TRMT9B: variants seen among roughly 807,000 people sequenced by gnomAD.
The protein encoded by TRMT9B is probable tRNA methyltransferase 9B.
Under a neutral mutation model 11.5 loss-of-function variants are expected in TRMT9B, and 16 were observed. The ratio of observed to expected loss-of-function variants is 1.39; its 90% CI spans 0.94 to 2.11. The LOEUF (loss-of-function observed/expected upper bound fraction) is 2.11, where lower values mean the gene tolerates loss of function less well. Among genes scored for constraint, TRMT9B ranks in the 30% most tolerant of loss-of-function variants. The probability of loss-of-function intolerance (pLI) is 0.00; values close to 1 mark genes in which losing one functional copy is unlikely to be tolerated. For synonymous variants in TRMT9B, 274 were observed against 192.4 expected, an observed-to-expected ratio of 1.42 and a Z score of -3.51; for missense variants, 941 against 553.8, an observed-to-expected ratio of 1.70 and a Z score of -7.02.
chr8:12,958,432 T>A (rs757622256), intron 1 of TRMT9B: 4 of 152,232 alleles, frequency 2.6e-5, no homozygotes, highest in Non-Finnish European at 5.9e-5. Context: ...TCTGATCCTG[T>A]TTCTCCAGCA....
chr8:13,006,782 C>A, intron 3 of TRMT9B: 2 of 499,700 alleles, frequency 4.0e-6, no homozygotes, highest in Non-Finnish European at 5.8e-6. Flanking sequence ...GATTCTCCTG[C>A]CTCAGACTCC....
chr8:12,992,726 C>G (rs900729913), intron 2 of TRMT9B, among the ~76,000 whole-genome samples: 2 of 151,694 alleles, frequency 1.3e-5, no homozygotes, highest in African/African-American at 4.8e-5. Flanking sequence ...CCAGGTGTGA[C>G]GGCATGCACC....
At chr8:13,003,047 G>T (rs1011472549) in intron 2 of TRMT9B, among the ~76,000 whole-genome samples, 2 of 152,082 alleles carry the variant, frequency 1.3e-5, no homozygotes, top group Admixed American at 6.5e-5. Context: ...TCATTTGCTG[G>T]GGGTCTGCTG....
chr8:12,946,023 T>C (rs552537277), intron 1 of TRMT9B, 57 bp downstream of exon 1: 2 of 152,334 alleles, frequency 1.3e-5, no homozygotes, highest in South Asian at 4.1e-4. Flanking sequence ...GATTAGTTGA[T>C]TAATGTTTGT....
intron 4 of TRMT9B, among the ~76,000 whole-genome samples, chr8:13,018,769 A>C (rs979203672): frequency 1.3e-5 from 2 of 152,156 alleles, no homozygotes; most frequent in African/African-American, 4.8e-5. Context: ...CAGCACTGCA[A>C]CTCATGCCTG....
chr8:12,989,833 A>G (rs746384404), intron 1 of TRMT9B, among the ~76,000 whole-genome samples: 21 of 152,242 alleles, frequency 1.4e-4, no homozygotes, highest in Non-Finnish European at 2.5e-4. Context: ...ATGCTTCTTA[A>G]ACGCACTTCT....
At chr8:12,953,162 T>C (rs1355483556) in intron 1 of TRMT9B, among the ~76,000 whole-genome samples, 1 of 152,206 alleles carries the variant, frequency 6.6e-6, no homozygotes, top group Admixed American at 6.5e-5. Context: ...TAGGCATGAA[T>C]TTAAATGTAC....
chr8:13,029,162 T>A lies in TRMT9B; in HGVS notation c.*7118T>A, dbSNP rs752786844. The A allele has an allele frequency of 6.0e-6, 1 of 166,020 alleles. No individual in the cohort carries two copies. Among genetic ancestry groups the A allele is most frequent in the Admixed American group, 6.6e-5 (1 of 15,192 alleles). The allele number at this position is 166,020 out of a possible 1,614,324, so 10.3% of individuals were successfully genotyped here. A position where few individuals can be genotyped will look rare whatever the true frequency, so the allele number is the denominator to read the frequency against. ...ATCAAATTAGCAATTACCATAGAAA[T>A]GTATTTCATTGAATAAATAGCTTTT... On this transcript the variant is annotated 3_prime_UTR_variant, in exon 5 of 5. Transcript: ENST00000524591.
In TRMT9B at chr8:12,953,024, C is replaced by T. The variant is rs191256027; in HGVS notation, c.-200+7058C>T. 2.5e-3 allele frequency among the ~76,000 whole-genome samples: 378 copies of T among 152,260 alleles called. 1 individual carries two copies. The highest frequency in any genetic ancestry group is 8.7e-3 in the African/African-American group (360 of 41,546). On this transcript the variant is annotated intron_variant, in intron 1 of 4. Coordinates refer to ENST00000524591, the MANE Select transcript of TRMT9B (RefSeq NM_020844.3). ...AAGTGCTGGGATTACAGGCGTGAGCCACCGGGCCCGGCTGATTCTTTTTAT... is the reference window on the plus strand; with the variant it reads ...AAGTGCTGGGATTACAGGCGTGAGCTACCGGGCCCGGCTGATTCTTTTTAT...
intron 2 of TRMT9B, among the ~76,000 whole-genome samples, chr8:13,003,793 A>G (rs1198116369): frequency 1.3e-5 from 2 of 150,870 alleles, no homozygotes; most frequent in African/African-American, 4.9e-5. Context: ...CCCTCCCCAC[A>G]AGGACCAGAG....
At chr8:12,966,045 G>C (rs1802766293) in intron 1 of TRMT9B, among the ~76,000 whole-genome samples, 1 of 150,944 alleles carries the variant, frequency 6.6e-6, no homozygotes, top group Non-Finnish European at 1.5e-5. Context: ...GCACTCCATG[G>C]CCAGGCATGG....
chr8:13,016,925 G>T (rs1812819273), intron 4 of TRMT9B, among the ~76,000 whole-genome samples: 1 of 150,832 alleles, frequency 6.6e-6, no homozygotes, highest in Admixed American at 6.7e-5. Context: ...AGGAGTTTGA[G>T]ACCAGCCTGG....
intron 4 of TRMT9B, among the ~76,000 whole-genome samples, chr8:13,013,820 G>A (rs1421122969): frequency 2.0e-5 from 3 of 152,080 alleles, no homozygotes; most frequent in Non-Finnish European, 4.4e-5. Flanking sequence ...CATGGTACAA[G>A]CGCCTGTAGT....
chr8:12,958,448 C>T (rs1035259512), intron 1 of TRMT9B: 4 of 152,274 alleles, frequency 2.6e-5, no homozygotes, highest in African/African-American at 9.6e-5. Context: ...CAGCATAGTA[C>T]TGCATCAGAT....
chr8:12,959,151 A>G (rs936641515), intron 1 of TRMT9B, among the ~76,000 whole-genome samples: 13 of 152,174 alleles, frequency 8.5e-5, no homozygotes, highest in African/African-American at 2.9e-4. Context: ...ACAGGGGACC[A>G]TGAACTTCCT....
At chr8:12,964,257 G>T (rs1802519053) in intron 1 of TRMT9B, among the ~76,000 whole-genome samples, 1 of 152,112 alleles carries the variant, frequency 6.6e-6, no homozygotes, top group African/African-American at 2.4e-5. Flanking sequence ...TTGACATGGG[G>T]TACATCCTAC....
At chr8:13,012,914 A>G (rs1811925015) in intron 4 of TRMT9B, 57 bp downstream of exon 4, 2 of 1,584,700 alleles carry the variant, frequency 1.3e-6, no homozygotes, top group East Asian at 4.5e-5. Flanking sequence ...GACCCGGTTT[A>G]GTCCGTTCTC....
At chr8:12,972,644 C>A (rs2460350) in intron 1 of TRMT9B, among the ~76,000 whole-genome samples, 1 of 151,824 alleles carries the variant, frequency 6.6e-6, no homozygotes, top group Admixed American at 6.6e-5. Context: ...TACAGAGTCC[C>A]GCCCTCTCCA....
chr8:12,958,251 G>C (rs1270971171), intron 1 of TRMT9B: 1 of 152,130 alleles, frequency 6.6e-6, no homozygotes. Flanking sequence ...TACATGGCTT[G>C]CCTCCACCTT....
Sources: gnomAD v4.1 joint callset for allele counts (sites outside exome capture counted in the v4.1 genomes callset) on GRCh38, gnomAD v4.1.1 for gene constraint, MANE v1.5 for transcripts, NCBI Gene and HGNC (gene_info 2026-07-23, HGNC 2026-07-21) for gene names.